Variants in MCPH1 observed in about 807,000 individuals in gnomAD.
The protein encoded by MCPH1 is microcephalin.
Under a neutral mutation model 84.5 loss-of-function variants are expected in MCPH1, and 104 were observed. That is an observed-to-expected ratio of 1.23 (90% CI 1.05 to 1.45). The LOEUF (loss-of-function observed/expected upper bound fraction) is 1.45. Ranked by LOEUF, MCPH1 falls within the 40% of genes most tolerant of loss-of-function variation. MCPH1 has a pLI of 0.00. For synonymous variants in MCPH1, 514 were observed against 366.8 expected, an observed-to-expected ratio of 1.40 and a Z score of -4.58; for missense variants, 1,498 against 1,005.7, an observed-to-expected ratio of 1.49 and a Z score of -6.62.
At chr8:6,564,569 C>T (rs1825984721) in intron 12 of MCPH1, among the ~76,000 whole-genome samples, 1 of 79,754 alleles carries the variant, frequency 1.3e-5, no homozygotes, top group Admixed American at 1.6e-4. Context: ...GAAAAAGCCC[C>T]CTGCCTTTGC....
intron 12 of MCPH1, among the ~76,000 whole-genome samples, chr8:6,503,893 C>G (rs1812704141): frequency 6.6e-6 from 1 of 152,170 alleles, no homozygotes; most frequent in Non-Finnish European, 1.5e-5. Context: ...TGGCCAAAAA[C>G]AGGAGCATGC....
chr8:6,599,386 G>T (rs1563171053), intron 12 of MCPH1, among the ~76,000 whole-genome samples: 2 of 152,280 alleles, frequency 1.3e-5, no homozygotes, highest in East Asian at 3.9e-4. Flanking sequence ...AAAGCAGAGC[G>T]CGGCTTAGTG....
chr8:6,517,959 C>A (rs973085169), intron 12 of MCPH1, among the ~76,000 whole-genome samples: 37 of 152,196 alleles, frequency 2.4e-4, no homozygotes, highest in Non-Finnish European at 4.4e-5. Context: ...AAATGAGTTT[C>A]TTTTACTGCA....
intron 2 of MCPH1, 45 bp from the exon 3 acceptor site, chr8:6,414,720 G>A (rs1304032083): frequency 6.2e-7 from 1 of 1,603,330 alleles, no homozygotes; most frequent in Non-Finnish European, 8.5e-7. Flanking sequence ...GTTAAGTTGT[G>A]AATGAACAGT....
In MCPH1 at chr8:6,621,567, T is replaced by C; in HGVS notation, c.2328T>C (p.Cys776=). ...PASSPPVAKL[C]ELVHLCGGRV... is the part of the protein sequence containing the mutation. The stretch of plus-strand genomic sequence containing the variant: ...GCAGCCCCCCAGTGGCCAAGCTCTG[T>C]GAACTAGTCCACCTGTGCGGAGGCC... Residue 776 remains cysteine, a synonymous_variant, in exon 13 of 14, where the codon TGT becomes TGC. Coordinates refer to ENST00000344683, the MANE Select transcript of MCPH1 (RefSeq NM_024596.5). The C allele has an allele frequency of 6.2e-7, 1 of 1,614,210 alleles. No individual in the cohort carries two copies. The highest frequency in any genetic ancestry group is 1.1e-5 in the South Asian group (1 of 91,084).
chr8:6,531,101 G>A (rs1194718989), intron 12 of MCPH1, among the ~76,000 whole-genome samples: 3 of 152,100 alleles, frequency 2.0e-5, no homozygotes, highest in Non-Finnish European at 4.4e-5. Context: ...CTTGGCCGCC[G>A]AGAGTCACGA....
intron 8 of MCPH1, among the ~76,000 whole-genome samples, chr8:6,448,401 G>A (rs1563225996): frequency 6.6e-6 from 1 of 152,208 alleles, no homozygotes; most frequent in Non-Finnish European, 1.5e-5. Flanking sequence ...AGGTTGGAGA[G>A]GGGTAAGAGC....
intron 9 of MCPH1, among the ~76,000 whole-genome samples, chr8:6,475,343 G>A (rs2129559096): frequency 6.6e-6 from 1 of 152,350 alleles, no homozygotes; most frequent in Non-Finnish European, 1.5e-5. Context: ...CTCTAAACCA[G>A]TATCAGGCAT....
chr8:6,462,190 C>T (rs999433884), intron 9 of MCPH1, among the ~76,000 whole-genome samples: 6 of 152,162 alleles, frequency 3.9e-5, no homozygotes, highest in African/African-American at 1.4e-4. Context: ...AATTACACAC[C>T]ACATAGAATG....
At chr8:6,636,793 C>A (rs1455071764) in intron 13 of MCPH1, among the ~76,000 whole-genome samples, 1 of 152,164 alleles carries the variant, frequency 6.6e-6, no homozygotes, top group Non-Finnish European at 1.5e-5. Context: ...CCAAAAATGC[C>A]ACCCACCACC....
At chr8:6,412,628 G>A (rs2440443) in intron 2 of MCPH1, among the ~76,000 whole-genome samples, 98,659 of 152,070 alleles carry the variant, frequency 0.65, 35,758 homozygotes, top group Non-Finnish European at 0.79. Flanking sequence ...GGTTTTACCA[G>A]ACCCCCTTGT....
At chr8:6,424,819 TC>T (rs1383733173) in intron 3 of MCPH1, among the ~76,000 whole-genome samples, 2 of 152,244 alleles carry the variant, frequency 1.3e-5, no homozygotes, top group Non-Finnish European at 2.9e-5. Context: ...TGCAGACTTC[TC>T]TGAGTCTCCT....
intron 13 of MCPH1, among the ~76,000 whole-genome samples, chr8:6,623,193 C>T (rs1831655121): frequency 6.6e-6 from 1 of 151,970 alleles, no homozygotes; most frequent in African/African-American, 2.4e-5. Flanking sequence ...AAGGCCCCAT[C>T]TCCAAATACA....
chr8:6,514,980 G>A (rs2515423), intron 12 of MCPH1, among the ~76,000 whole-genome samples: 9,180 of 152,170 alleles, frequency 0.06, 313 homozygotes, highest in African/African-American at 0.079. Context: ...AAATGATGGT[G>A]AAACATAAAC....
At chr8:6,534,374 C>T (rs1017536001) in intron 12 of MCPH1, among the ~76,000 whole-genome samples, 1 of 152,140 alleles carries the variant, frequency 6.6e-6, no homozygotes, top group Admixed American at 6.5e-5. Context: ...CCCTGTTTTA[C>T]GGAAGAGGCT....
chr8:6,614,668 C>T (rs945486218), intron 12 of MCPH1, among the ~76,000 whole-genome samples: 1 of 152,202 alleles, frequency 6.6e-6, no homozygotes, highest in East Asian at 1.9e-4. Context: ...ATCTGCCTCT[C>T]AGTTGTTATT....
intron 12 of MCPH1, among the ~76,000 whole-genome samples, chr8:6,513,445 G>T (rs1157955455): frequency 2.0e-5 from 3 of 149,924 alleles, no homozygotes; most frequent in African/African-American, 7.4e-5. Context: ...CCATTCTTCT[G>T]CCTCAGCCTC....
chr8:6,418,236 C>T (rs1462439318), intron 3 of MCPH1, among the ~76,000 whole-genome samples: 1 of 152,102 alleles, frequency 6.6e-6, no homozygotes, highest in Non-Finnish European at 1.5e-5. Context: ...TGAGTGCTTG[C>T]TGCGCCACAC....
At chr8:6,512,044 C>T (rs1057469064) in intron 12 of MCPH1, among the ~76,000 whole-genome samples, 57 of 151,960 alleles carry the variant, frequency 3.8e-4, no homozygotes, top group Admixed American at 2.6e-3. Flanking sequence ...CAAGTTGGAA[C>T]TGCTGTGAGG....
Sources: gnomAD v4.1 joint callset for allele counts (sites outside exome capture counted in the v4.1 genomes callset) on GRCh38, gnomAD v4.1.1 for gene constraint, MANE v1.5 for transcripts, NCBI Gene and HGNC (gene_info 2026-07-23, HGNC 2026-07-21) for gene names.